PSMA1: variants seen among roughly 807,000 people sequenced by gnomAD.
PSMA1 encodes proteasome 20S subunit alpha 1, also known as proteasome subunit alpha type-1.
Under a neutral mutation model 38.4 loss-of-function variants are expected in PSMA1, and 3 were observed. The observed-to-expected ratio is 0.08, with a 90% CI of 0.04 to 0.20. The LOEUF is 0.20. Ranked by LOEUF, PSMA1 falls within the 10% of genes least tolerant of loss-of-function variation. The pLI, the probability that PSMA1 is intolerant of heterozygous loss-of-function variation, is 1.00. For missense variants in PSMA1, 227 were observed against 325.3 expected (o/e 0.70, Z 2.32); for synonymous variants, 101 against 107.1 (o/e 0.94, Z 0.35).
At chr11:14,614,108 T>C (rs1852741346) in intron 1 of PSMA1, among the ~76,000 whole-genome samples, 1 of 152,154 alleles carries the variant, frequency 6.6e-6, no homozygotes. Context: ...CATGGAAAAT[T>C]TGGATATTAT....
chr11:14,551,416 T>C (rs1237377759), intron 2 of PSMA1, among the ~76,000 whole-genome samples: 1 of 152,140 alleles, frequency 6.6e-6, no homozygotes, highest in Admixed American at 6.5e-5. Flanking sequence ...GTCAGCAGAA[T>C]TGGCCTGTTA....
intron 2 of PSMA1, among the ~76,000 whole-genome samples, chr11:14,529,121 CAAAAAAAA>C (rs34346829): frequency 1.8e-5 from 1 of 56,970 alleles, no homozygotes; most frequent in Non-Finnish European, 3.8e-5. Context: ...GACCCTGTCT[CAAAAAAAA>C]AAAAAAAAAA....
At chr11:14,544,212 C>T (rs1030556824) in intron 2 of PSMA1, among the ~76,000 whole-genome samples, 3 of 151,948 alleles carry the variant, frequency 2.0e-5, no homozygotes, top group East Asian at 1.9e-4. Context: ...GTATTTTTTG[C>T]GGAGACAAGG....
intron 1 of PSMA1, among the ~76,000 whole-genome samples, chr11:14,631,428 G>A (rs1457862005): frequency 7.2e-5 from 11 of 152,030 alleles, no homozygotes; most frequent in African/African-American, 2.7e-4. Flanking sequence ...TATATACCCA[G>A]TAGTCATTCA....
chr11:14,574,516 G>C (rs922740150), intron 2 of PSMA1, among the ~76,000 whole-genome samples: 4 of 152,190 alleles, frequency 2.6e-5, no homozygotes, highest in Non-Finnish European at 5.9e-5. Flanking sequence ...GTTTGGCTGT[G>C]TTCTCACCCA....
In PSMA1 at chr11:14,510,890, T is replaced by C. The variant is rs149221427; in HGVS notation, c.606A>G (p.Glu202=). Residue 202 remains glutamate (E), a synonymous_variant, in exon 8 of 10, where the codon GAA becomes GAG. Transcript: ENST00000396394. The part of the protein sequence containing the change: ...LRALRETLPA[E]QDLTTKNVSI... ...TACTTACCTTTGTAGTCAGGTCCTG[T>C]TCTGCAGGAAGCGTCTCTCTTAAGG... The C allele has an allele frequency of 1.9e-6, 3 of 1,607,904 alleles. No individual in the cohort carries two copies. The highest frequency in any genetic ancestry group is 2.2e-5 in the South Asian group (2 of 90,036).
chr11:14,516,515 A>AG (rs1851432633), intron 4 of PSMA1, among the ~76,000 whole-genome samples: 1 of 152,194 alleles, frequency 6.6e-6, no homozygotes, highest in Non-Finnish European at 1.5e-5. Flanking sequence ...TTTCTTTCCT[A>AG]ATCAAATCAC....
intron 2 of PSMA1, among the ~76,000 whole-genome samples, chr11:14,540,721 A>G (rs1589987402): frequency 6.6e-6 from 1 of 152,364 alleles, no homozygotes; most frequent in African/African-American, 2.4e-5. Context: ...TTGTTTTAGA[A>G]TAAGTCATCT....
chr11:14,595,292 A>T (rs980975637), intron 2 of PSMA1, among the ~76,000 whole-genome samples: 1 of 152,184 alleles, frequency 6.6e-6, no homozygotes, highest in African/African-American at 2.4e-5. Flanking sequence ...TGCTGGGTCA[A>T]ATGGTAATTC....
At chr11:14,581,022 T>C (rs1852276204) in intron 2 of PSMA1, among the ~76,000 whole-genome samples, 1 of 152,166 alleles carries the variant, frequency 6.6e-6, no homozygotes, top group Non-Finnish European at 1.5e-5. Context: ...GCTATGTAGT[T>C]ATGGGATGAA....
chr11:14,619,593 T>C (rs1852816370), intron 1 of PSMA1, among the ~76,000 whole-genome samples: 1 of 152,192 alleles, frequency 6.6e-6, no homozygotes, highest in South Asian at 2.1e-4. Context: ...GAAATTAAGA[T>C]TAATTTAAAT....
intron 1 of PSMA1, among the ~76,000 whole-genome samples, chr11:14,639,887 T>C (rs1027187306): frequency 1.3e-5 from 2 of 152,152 alleles, no homozygotes; most frequent in African/African-American, 4.8e-5. Flanking sequence ...ACTCCTACTG[T>C]AGTCTGGGCT....
At chr11:14,622,458 G>A (rs989774891) in intron 1 of PSMA1, among the ~76,000 whole-genome samples, 1 of 152,232 alleles carries the variant, frequency 6.6e-6, no homozygotes, top group African/African-American at 2.4e-5. Context: ...GAGCAAGAAG[G>A]CACTAGTATG....
chr11:14,568,209 C>CTTT (rs1440357920), intron 2 of PSMA1, among the ~76,000 whole-genome samples: 3 of 152,092 alleles, frequency 2.0e-5, no homozygotes, highest in Non-Finnish European at 4.4e-5. Context: ...AGTGAAGTGC[C>CTTT]CAACTCCAAA....
chr11:14,559,363 G>C (rs1851982607), intron 2 of PSMA1, among the ~76,000 whole-genome samples: 1 of 152,188 alleles, frequency 6.6e-6, no homozygotes, highest in Non-Finnish European at 1.5e-5. Context: ...AGAGAAACAA[G>C]ATGGTGACTG....
At chr11:14,555,407 A>AG (rs1345951912) in intron 2 of PSMA1, among the ~76,000 whole-genome samples, 5 of 152,018 alleles carry the variant, frequency 3.3e-5, no homozygotes, top group African/African-American at 1.2e-4. Context: ...TTTTTGCTTT[A>AG]GTCTTTTAAA....
chr11:14,606,763 G>C (rs1001179757), intron 2 of PSMA1, among the ~76,000 whole-genome samples: 1 of 152,148 alleles, frequency 6.6e-6, no homozygotes, highest in Non-Finnish European at 1.5e-5. Context: ...TTTTCTGCTA[G>C]GTAAAAAGGG....
chr11:14,637,585 C>T (rs933869849), intron 1 of PSMA1, among the ~76,000 whole-genome samples: 18 of 152,004 alleles, frequency 1.2e-4, no homozygotes, highest in Non-Finnish European at 2.2e-4. Flanking sequence ...AAATTGGTTA[C>T]GGCTTAATTT....
chr11:14,563,333 C>T (rs1852031716), intron 2 of PSMA1, among the ~76,000 whole-genome samples: 1 of 152,170 alleles, frequency 6.6e-6, no homozygotes, highest in East Asian at 1.9e-4. Context: ...TGAGTAGTGA[C>T]TGTCCCTTGT....
Sources: allele counts gnomAD v4.1 joint callset (sites outside exome capture counted in the v4.1 genomes callset), GRCh38; gene constraint gnomAD v4.1.1; transcripts MANE v1.5; gene names NCBI Gene and HGNC (gene_info 2026-07-23, HGNC 2026-07-21).